Variants in BICD2 observed in about 807,000 individuals in gnomAD.
BICD2 encodes BICD cargo adaptor 2.
A neutral mutation model predicts 72.9 loss-of-function variants in BICD2; 25 were observed. The ratio of observed to expected loss-of-function variants is 0.34; its 90% CI spans 0.25 to 0.48. BICD2 has a LOEUF of 0.48. Ranked by LOEUF, BICD2 falls within the 20% of genes least tolerant of loss-of-function variation. The pLI is 0.99. For missense variants in BICD2, 894 were observed against 1,175.2 expected (o/e 0.76, Z 3.50); for synonymous variants, 501 against 516.1 (o/e 0.97, Z 0.40).
Position 92,764,831 on chromosome 9 carries a change from C to CG in BICD2, c.-88_-87insC. On this transcript the variant is annotated 5_prime_UTR_variant, in exon 1 of 7. Transcript: ENST00000356884. The surrounding 1 kb of genome is among the most constrained non-coding windows in gnomAD (Gnocchi z 5.5). ...CCGCCGCTGCCGCCGCCGCCGCCGCCCTGCCCCGACGGCCGCCCGCCCGCC... is the reference window on the plus strand; with the variant it reads ...CCGCCGCTGCCGCCGCCGCCGCCGCCGCTGCCCCGACGGCCGCCCGCCCGCC... 1.9e-6 allele frequency: 2 copies of CG among 1,027,388 alleles called. No individual in the cohort carries two copies. The highest frequency in any genetic ancestry group is 8.1e-5 in the East Asian group (1 of 12,336). 63.6% of individuals were successfully genotyped at this position (1,027,388 alleles called of 1,614,324 possible).
chr9:92,715,704 T>C (rs1853296275), intron 6 of BICD2, among the ~76,000 whole-genome samples: 1 of 152,212 alleles, frequency 6.6e-6, no homozygotes, highest in Admixed American at 6.5e-5. Flanking sequence ...AGGGCAGCCC[T>C]ATGAGGCTGG....
At position 92,735,792 on chromosome 9, in the gene BICD2, G is replaced by A. The variant is rs532469136; in HGVS notation, c.241-6556C>T. Among the ~76,000 whole-genome samples the A allele has an allele frequency of 2.0e-5, 3 of 152,268 alleles. No individual in the cohort carries two copies. The East Asian group carries it at 5.8e-4, about 29-fold the overall frequency. ...GCTGTTCACGGGCACACAGCACACT[G>A]GGTCTGGAGTCACTGGGACCTTGCT... On this transcript the variant is annotated intron_variant, in intron 1 of 6. Transcript: ENST00000356884.
chr9:92,725,917 T>G (rs1853558691), intron 2 of BICD2, among the ~76,000 whole-genome samples: 1 of 152,226 alleles, frequency 6.6e-6, no homozygotes, highest in South Asian at 2.1e-4. Flanking sequence ...CCAGGCCTCC[T>G]GTGGCTCTCT....
At chr9:92,733,862 G>A (rs931494472) in intron 1 of BICD2, among the ~76,000 whole-genome samples, 1 of 152,130 alleles carries the variant, frequency 6.6e-6, no homozygotes, top group African/African-American at 2.4e-5. Flanking sequence ...AGCTACTGGG[G>A]AGGCTGAGGC....
chr9:92,718,911 A>C lies in BICD2; in HGVS notation c.1734T>G (p.Arg578=), dbSNP rs1442885084. Residue 578 remains arginine, a synonymous_variant, in exon 5 of 7, where the codon CGT becomes CGG. Coordinates refer to ENST00000356884, the MANE Select transcript of BICD2 (RefSeq NM_001003800.2). ...SPGGRTSPEA[R]GRRSPILLPK... ...GTAGGAGGATGGGTGAGCGCCGGCC[A>C]CGCGCCTCGGGGCTGGTGCGGCCCC... The C allele has an allele frequency of 6.2e-7, 1 of 1,603,440 alleles. No homozygotes were observed. Among genetic ancestry groups the C allele is most frequent in the Non-Finnish European group, 8.5e-7 (1 of 1,176,394 alleles).
At position 92,718,638 on chromosome 9, in the gene BICD2, C is replaced by T; in HGVS notation, c.2007G>A (p.Lys669=). 1 of 1,614,010 alleles carries T rather than the reference C, an allele frequency of 6.2e-7. No homozygotes were observed. The stretch of plus-strand genomic sequence containing the variant: ...TGAGGATCTCCTCCATAAGCGCTTC[C>T]TTGTCCTTGTCCACGGCGGGGCCCA... ...QELGPAVDKD[K]EALMEEILKL... is the part of the protein sequence containing the mutation. The change falls in exon 5 of 7, where the codon AAG becomes AAA. Residue 669 remains lysine (K), a synonymous_variant. Transcript: ENST00000356884.
At chr9:92,760,215 G>C (rs1854343858) in intron 1 of BICD2, among the ~76,000 whole-genome samples, 1 of 152,174 alleles carries the variant, frequency 6.6e-6, no homozygotes, top group Admixed American at 6.5e-5. Flanking sequence ...CAGGGGCCCA[G>C]GGGCTCCCAG....
intron 2 of BICD2, among the ~76,000 whole-genome samples, chr9:92,727,197 G>GCTGCTGACCC (rs1247847816): frequency 6.6e-6 from 1 of 152,142 alleles, no homozygotes; most frequent in Non-Finnish European, 1.5e-5. Flanking sequence ...CCCTCACTCC[G>GCTGCTGACCC]CTGCTGACCC....
chr9:92,724,231 T>C (rs1853521054), intron 2 of BICD2, among the ~76,000 whole-genome samples: 1 of 152,222 alleles, frequency 6.6e-6, no homozygotes, highest in African/African-American at 2.4e-5. Flanking sequence ...TGGCTTATGC[T>C]ATGGTTTCTC....
intron 4 of BICD2, 140 bp from the exon 5 acceptor site, chr9:92,719,722 G>A (rs1853419681): frequency 1.2e-6 from 1 of 829,480 alleles, no homozygotes; most frequent in Admixed American, 2.9e-5. Context: ...CATGCTGTCA[G>A]TGAGGTGGAC....
At position 92,719,486 on chromosome 9, in the gene BICD2, C is replaced by A. The variant is rs1331535725; in HGVS notation, c.1159G>T (p.Val387Leu). 6.2e-7 allele frequency: 1 copy of A among 1,614,034 alleles called. No homozygotes were observed. Among genetic ancestry groups the A allele is most frequent in the Admixed American group, 1.7e-5 (1 of 60,030 alleles). ...RGSLSEQQEK[V>L]TRLTENLSAL... ...CTCAGATTCTCTGTGAGGCGGGTCA[C>A]CTTCTCCTGCTGTTCTGACAGGGAG... The change falls in exon 5 of 7, where the codon GTG (valine) becomes TTG (leucine). Residue 387 changes from valine (V) to leucine (L), a missense_variant. Val to Leu is a conservative substitution (Grantham distance 32). Around this residue, in one of 5 missense-constraint regions of BICD2, gnomAD observed 371 missense variants for 439.1 expected, o/e 0.84. Transcript: ENST00000356884.
In BICD2 at chr9:92,720,244, G is replaced by T; in HGVS notation, c.1062+56C>A. The T allele has an allele frequency of 6.6e-7, 1 of 1,513,328 alleles. No individual in the cohort carries two copies. Among genetic ancestry groups the T allele is most frequent in the Non-Finnish European group, 8.9e-7 (1 of 1,121,930 alleles). The allele number at this position is 1,513,328 out of a possible 1,614,324, so 93.7% of individuals were successfully genotyped here. A position where few individuals can be genotyped will look rare whatever the true frequency, so the allele number is the denominator to read the frequency against. ...GAGTGTCAGGTAAGCACTGCTCGGG[G>T]AGCCCTGCAGACCTGGAGTGGGGAC... On this transcript the variant is annotated intron_variant, in intron 4 of 6. Coordinates refer to ENST00000356884, the MANE Select transcript of BICD2 (RefSeq NM_001003800.2). This position sits in a 1 kb window ranked among gnomAD's most constrained non-coding sequence, Gnocchi z 5.4.
chr9:92,753,212 T>A lies in BICD2; in HGVS notation c.240+11293A>T, dbSNP rs556567361. Among the ~76,000 whole-genome samples, 11 of 152,268 alleles carry A rather than the reference T, an allele frequency of 7.2e-5. No individual in the cohort carries two copies. The South Asian group carries it at 2.3e-3, about 32-fold the overall frequency. Reference sequence around the variant, plus strand: ...TCAAGGTCATCAAGAACAGGGAAGGTCTGAGAAACTGTCACAGTCAACTGG... The same window carrying A: ...TCAAGGTCATCAAGAACAGGGAAGGACTGAGAAACTGTCACAGTCAACTGG... On this transcript the variant is annotated intron_variant, in intron 1 of 6. Coordinates refer to ENST00000356884, the MANE Select transcript of BICD2 (RefSeq NM_001003800.2).
rs1854449935 is a variant in BICD2 at position 92,764,794 on chromosome 9, C to G, written c.-50G>C. 7.6e-7 allele frequency: 1 copy of G among 1,309,778 alleles called. No homozygotes were observed. Among genetic ancestry groups the G allele is most frequent in the Middle Eastern group, 2.8e-4 (1 of 3,568 alleles). The allele number at this position is 1,309,778 out of a possible 1,614,324, so 81.1% of individuals were successfully genotyped here. ...CCACTGAGGCTCTCGCAGGCCGGGCCCTCCTCAGCCGCCGCCGCTGCCGCC... is the reference window on the plus strand; with the variant it reads ...CCACTGAGGCTCTCGCAGGCCGGGCGCTCCTCAGCCGCCGCCGCTGCCGCC... On this transcript the variant is annotated 5_prime_UTR_variant, in exon 1 of 7. Coordinates refer to ENST00000356884, the MANE Select transcript of BICD2 (RefSeq NM_001003800.2). The surrounding 1 kb of genome is among the most constrained non-coding windows in gnomAD (Gnocchi z 5.5).
intron 2 of BICD2, among the ~76,000 whole-genome samples, chr9:92,725,186 C>G (rs1853543059): frequency 6.6e-6 from 1 of 152,236 alleles, no homozygotes. Context: ...GACTGCTGTT[C>G]CCTTGGCAGT....
At chr9:92,733,833 G>A (rs979937409) in intron 1 of BICD2, among the ~76,000 whole-genome samples, 3 of 152,190 alleles carry the variant, frequency 2.0e-5, no homozygotes, top group African/African-American at 2.4e-5. Context: ...CAGGCGTGGC[G>A]GCGGGCGCCC....
chr9:92,761,538 C>T (rs923172982), intron 1 of BICD2, among the ~76,000 whole-genome samples: 4 of 152,188 alleles, frequency 2.6e-5, no homozygotes, highest in African/African-American at 9.7e-5. Flanking sequence ...GTTCTCAGAC[C>T]TCCCCCATTA....
intron 2 of BICD2, among the ~76,000 whole-genome samples, chr9:92,725,593 G>C (rs935570237): frequency 6.6e-6 from 1 of 152,234 alleles, no homozygotes; most frequent in Admixed American, 6.5e-5. Context: ...TCTGCTGCGT[G>C]TGACTGGGCA....
chr9:92,731,687 C>T (rs555888785), intron 1 of BICD2, among the ~76,000 whole-genome samples: 3 of 152,028 alleles, frequency 2.0e-5, no homozygotes, highest in South Asian at 4.1e-4. Flanking sequence ...TGGAAGATGG[C>T]GGAAGATGGC....
Sources: gnomAD v4.1 joint callset for allele counts (sites outside exome capture counted in the v4.1 genomes callset) on GRCh38, gnomAD v4.1.1 for gene constraint, gnomAD v4.1.1 regional missense constraint, Gnocchi (gnomAD v3.1) non-coding constraint, MANE v1.5 for transcripts, NCBI Gene and HGNC (gene_info 2026-07-23, HGNC 2026-07-21) for gene names.